MTSS1: variants seen among roughly 807,000 people sequenced by gnomAD.
MTSS1 encodes the protein MTSS I-BAR domain containing 1.
A neutral mutation model predicts 79.0 loss-of-function variants in MTSS1; 18 were observed. That is an observed-to-expected ratio of 0.23 (90% CI 0.16 to 0.34). MTSS1 has a LOEUF of 0.34. Ranked by LOEUF, MTSS1 falls within the 10% of genes least tolerant of loss-of-function variation. The pLI is 1.00. For synonymous variants in MTSS1, 341 were observed against 368.6 expected (o/e 0.93, Z 0.86); for missense variants, 815 against 986.2 (o/e 0.83, Z 2.33).
chr8:124,604,218 T>TA (rs1554666929), intron 3 of MTSS1, among the ~76,000 whole-genome samples: 5 of 150,928 alleles, frequency 3.3e-5, no homozygotes, highest in Admixed American at 6.6e-5. Context: ...ATCTTAAAAA[T>TA]AAATAAAATA....
intron 3 of MTSS1, among the ~76,000 whole-genome samples, chr8:124,623,669 T>C (rs1485098710): frequency 6.6e-6 from 1 of 152,234 alleles, no homozygotes; most frequent in Non-Finnish European, 1.5e-5. Flanking sequence ...GGTCTTGCTC[T>C]GTCACCCAGG....
At chr8:124,654,048 A>T (rs968723791) in intron 3 of MTSS1, among the ~76,000 whole-genome samples, 1 of 152,168 alleles carries the variant, frequency 6.6e-6, no homozygotes, top group South Asian at 2.1e-4. Context: ...CTTACATTCC[A>T]GAGCTCCTGC....
chr8:124,707,014 C>G (rs1431536568), intron 1 of MTSS1, among the ~76,000 whole-genome samples: 1 of 152,038 alleles, frequency 6.6e-6, no homozygotes, highest in Non-Finnish European at 1.5e-5. Flanking sequence ...CTCAACCAAC[C>G]AATAGCAGCT....
At chr8:124,702,046 A>C (rs1829778212) in intron 2 of MTSS1, among the ~76,000 whole-genome samples, 1 of 152,230 alleles carries the variant, frequency 6.6e-6, no homozygotes. Flanking sequence ...GGACAGGTTA[A>C]GATTACTTTA....
intron 1 of MTSS1, among the ~76,000 whole-genome samples, chr8:124,722,669 A>C (rs1833120414): frequency 1.3e-5 from 2 of 152,202 alleles, no homozygotes; most frequent in African/African-American, 4.8e-5. Context: ...ATCTGAGTTA[A>C]ACGGCTCACA....
intron 1 of MTSS1, among the ~76,000 whole-genome samples, chr8:124,707,064 G>A (rs933427650): frequency 6.6e-6 from 1 of 152,030 alleles, no homozygotes; most frequent in African/African-American, 2.4e-5. Context: ...CACAAGACAC[G>A]ATGAAAAGCT....
chr8:124,663,903 C>T (rs369079064), intron 3 of MTSS1, among the ~76,000 whole-genome samples: 58 of 152,284 alleles, frequency 3.8e-4, no homozygotes, highest in Middle Eastern at 3.4e-3. Flanking sequence ...CAGAGAGGAG[C>T]GCAGATCACA....
chr8:124,666,353 T>C (rs943639004), intron 3 of MTSS1, among the ~76,000 whole-genome samples: 1 of 152,098 alleles, frequency 6.6e-6, no homozygotes, highest in Non-Finnish European at 1.5e-5. Flanking sequence ...CTAATACAAA[T>C]GCTAAATAGA....
chr8:124,690,273 T>C (rs1353217303), intron 3 of MTSS1, among the ~76,000 whole-genome samples: 2 of 152,116 alleles, frequency 1.3e-5, no homozygotes, highest in Non-Finnish European at 2.9e-5. Context: ...TCTGGGGAAA[T>C]ACACTAAAGC....
chr8:124,721,462 T>C (rs572446675), intron 1 of MTSS1, among the ~76,000 whole-genome samples: 1 of 141,178 alleles, frequency 7.1e-6, no homozygotes, highest in African/African-American at 2.7e-5. Context: ...CAGGCTGGAG[T>C]GCAGTGGCGT....
In MTSS1 at chr8:124,607,870, C is replaced by T. The variant is rs551013870; in HGVS notation, c.209-16635G>A. On this transcript the variant is annotated intron_variant, in intron 3 of 13. Coordinates refer to ENST00000518547, the MANE Select transcript of MTSS1 (RefSeq NM_014751.6). ...GGTTAACAGTTATTATATATCTCTACAGAAAAGGGGGGGCTTAATTATTAC... is the reference window on the plus strand; with the variant it reads ...GGTTAACAGTTATTATATATCTCTATAGAAAAGGGGGGGCTTAATTATTAC... Among the ~76,000 whole-genome samples the T allele has an allele frequency of 4.3e-3, 647 of 151,204 alleles. 6 individuals are homozygous for T. Among genetic ancestry groups the T allele is most frequent in the African/African-American group, 0.015 (623 of 40,752 alleles).
chr8:124,634,291 TGTTGTTG>T (rs1816600220), intron 3 of MTSS1, among the ~76,000 whole-genome samples: 1 of 151,246 alleles, frequency 6.6e-6, no homozygotes, highest in African/African-American at 2.4e-5. Context: ...TTTTTGTTGT[TGTTGTTG>T]TTTTGTAGTT....
intron 3 of MTSS1, among the ~76,000 whole-genome samples, chr8:124,599,102 T>G (rs1833277755): frequency 6.6e-6 from 1 of 152,208 alleles, no homozygotes; most frequent in Non-Finnish European, 1.5e-5. Flanking sequence ...TGCCGCCTGC[T>G]GATGGAAGGG....
At chr8:124,688,409 G>A (rs1419749387) in intron 3 of MTSS1, among the ~76,000 whole-genome samples, 2 of 152,048 alleles carry the variant, frequency 1.3e-5, no homozygotes, top group Non-Finnish European at 2.9e-5. Context: ...GTGTATGTGT[G>A]TGTACGTATG....
intron 2 of MTSS1, among the ~76,000 whole-genome samples, chr8:124,702,629 G>A (rs1371987831): frequency 1.3e-5 from 2 of 152,170 alleles, no homozygotes; most frequent in African/African-American, 2.4e-5. Context: ...ACTCTGGGCA[G>A]TGACCCCTGG....
At chr8:124,624,440 G>A (rs568706040) in intron 3 of MTSS1, among the ~76,000 whole-genome samples, 2 of 152,308 alleles carry the variant, frequency 1.3e-5, no homozygotes, top group South Asian at 4.2e-4. Context: ...GACTCAGGTT[G>A]ACGACGTGAC....
At chr8:124,622,082 GA>G (rs1813656734) in intron 3 of MTSS1, among the ~76,000 whole-genome samples, 2 of 151,736 alleles carry the variant, frequency 1.3e-5, no homozygotes, top group Non-Finnish European at 2.9e-5. Context: ...GAGAGAGAGA[GA>G]GAGAGAGAGA....
At chr8:124,622,583 T>A (rs1275019314) in intron 3 of MTSS1, among the ~76,000 whole-genome samples, 1 of 150,452 alleles carries the variant, frequency 6.6e-6, no homozygotes, top group Non-Finnish European at 1.5e-5. Context: ...TCACTTGAGG[T>A]CAGGAGTTCG....
chr8:124,705,901 A>G (rs553138793), intron 1 of MTSS1, among the ~76,000 whole-genome samples: 13 of 152,238 alleles, frequency 8.5e-5, no homozygotes, highest in African/African-American at 3.1e-4. Context: ...CCCACCCCCT[A>G]TTTGGGACAA....
Sources: allele counts gnomAD v4.1 joint callset (sites outside exome capture counted in the v4.1 genomes callset), GRCh38; gene constraint gnomAD v4.1.1; transcripts MANE v1.5; gene names NCBI Gene and HGNC (gene_info 2026-07-23, HGNC 2026-07-21).